Variants in TUB observed in about 807,000 individuals in gnomAD.
TUB encodes tubby protein homolog.
Under a neutral mutation model 59.7 loss-of-function variants are expected in TUB, and 33 were observed. The observed-to-expected ratio is 0.55, with a 90% confidence interval of 0.42 to 0.74. TUB has a LOEUF of 0.74. Ranked by LOEUF, TUB falls within the 30% of genes least tolerant of loss-of-function variation. TUB has a pLI of 0.00. For synonymous variants in TUB, 293 were observed against 256.4 expected, an observed-to-expected ratio of 1.14 and a Z score of -1.36; for missense variants, 659 against 672.0, an observed-to-expected ratio of 0.98 and a Z score of 0.21.
chr11:8,098,344 C>G (rs1264911495), intron 8 of TUB, among the ~76,000 whole-genome samples: 3 of 152,076 alleles, frequency 2.0e-5, no homozygotes, highest in Non-Finnish European at 4.4e-5. Context: ...GGAGCTAAAG[C>G]TGGAGATGGG....
At position 8,101,014 on chromosome 11, in the gene TUB, C is replaced by T; in HGVS notation, c.1387+17C>T. The T allele has an allele frequency of 6.2e-7, 1 of 1,613,894 alleles. No homozygotes were observed. The highest frequency in any genetic ancestry group is 8.5e-7 in the Non-Finnish European group (1 of 1,179,884). ...GCAATGACCGTGAGTGTTTCTGTCC[C>T]TACTCATTATGGTCCGTAGGATACC... is the stretch of plus-strand genomic sequence containing the variant. On this transcript the variant is annotated intron_variant, in intron 11 of 11. Transcript: ENST00000299506.
At chr11:8,067,832 G>A (rs1397146881) in intron 2 of TUB, 1 of 152,304 alleles carries the variant, frequency 6.6e-6, no homozygotes, top group East Asian at 1.9e-4. Context: ...CTAAGCTCCA[G>A]ATGCGCTTTT....
intron 2 of TUB, among the ~76,000 whole-genome samples, chr11:8,047,689 G>A (rs149049883): frequency 7.9e-5 from 12 of 152,312 alleles, no homozygotes; most frequent in Non-Finnish European, 1.3e-4. Context: ...ACTTGCCATT[G>A]CTGCATTTAT....
At chr11:8,031,351 C>T (rs529618471) in intron 1 of TUB, among the ~76,000 whole-genome samples, 3 of 152,092 alleles carry the variant, frequency 2.0e-5, no homozygotes, top group Admixed American at 2.0e-4. Flanking sequence ...CACAGGCCTG[C>T]TTTCACAGGC....
At chr11:8,098,058 C>G (rs2133883719) in intron 8 of TUB, among the ~76,000 whole-genome samples, 1 of 152,240 alleles carries the variant, frequency 6.6e-6, no homozygotes, top group East Asian at 1.9e-4. Context: ...GAGGTGGGTG[C>G]AGGCCCACCA....
At chr11:8,050,095 C>A (rs373176756) in intron 2 of TUB, among the ~76,000 whole-genome samples, 19 of 152,262 alleles carry the variant, frequency 1.2e-4, no homozygotes, top group East Asian at 7.7e-4. Context: ...ATTATCTACT[C>A]TTTGAGGCTG....
Position 8,106,211 on chromosome 11 carries a change from A to G in TUB, c.*4592A>G, listed in dbSNP as rs1048096831. On this transcript the variant is annotated 3_prime_UTR_variant, in exon 12 of 12. Transcript: ENST00000299506. ...TTAGTGTTTGTCTAAGTACACACAT[A>G]TATCAACAAATTAAACTTGAATCGT... 3 of 152,152 alleles carry G rather than the reference A, an allele frequency of 2.0e-5. No homozygotes were observed. The highest frequency in any genetic ancestry group is 4.8e-5 in the African/African-American group (2 of 41,468). The allele number at this position is 152,152 out of a possible 1,614,324, so 9.4% of individuals were successfully genotyped here. A position where few individuals can be genotyped will look rare whatever the true frequency, so the allele number is the denominator to read the frequency against.
chr11:8,101,487 G>A lies in TUB; in HGVS notation c.1389G>A (p.Pro463=), dbSNP rs200511292. Residue 463 remains proline (P), a splice_region_variant and synonymous_variant, in exon 12 of 12, where the codon CCG becomes CCA. Transcript: ENST00000299506. ...KNFQIIHGND[P]DYIVMQFGRV... is the part of the protein sequence containing the mutation. ...GTCTGTGCCTGTGCTTGGCCCCAGC[G>A]GACTACATCGTGATGCAGTTTGGCC... 111 of 1,614,110 alleles carry A rather than the reference G, an allele frequency of 6.9e-5. No homozygotes were observed. The highest frequency in any genetic ancestry group is 1.6e-4 in the Middle Eastern group (1 of 6,062).
chr11:8,027,094 T>C, intron 1 of TUB, among the ~76,000 whole-genome samples: 1 of 152,226 alleles, frequency 6.6e-6, no homozygotes, highest in East Asian at 1.9e-4. Context: ...TGTATTGGGA[T>C]TCTTAATTGT....
At chr11:8,040,711 G>A (rs1942736344) in intron 2 of TUB, among the ~76,000 whole-genome samples, 1 of 152,216 alleles carries the variant, frequency 6.6e-6, no homozygotes, top group African/African-American at 2.4e-5. Context: ...GGAAGGAGCA[G>A]TAGGAGGAGG....
At chr11:8,091,735 TCTCACAGAGGCAGCCCCAGCTGCTC>T (rs1943783015) in intron 3 of TUB, among the ~76,000 whole-genome samples, 1 of 152,142 alleles carries the variant, frequency 6.6e-6, no homozygotes, top group Non-Finnish European at 1.5e-5. Flanking sequence ...AGCCCAGCTG[TCTCACAGAGGCAGCCCCAGCTGCTC>T]CTCACAGAGC....
chr11:8,086,356 T>A (rs747950401), intron 1 of TUB, among the ~76,000 whole-genome samples: 2 of 151,650 alleles, frequency 1.3e-5, no homozygotes, highest in Non-Finnish European at 2.9e-5. Flanking sequence ...GGGGTGGAGA[T>A]GAGGAGGAAG....
At chr11:8,099,586 A>G (rs971755571) in intron 9 of TUB, among the ~76,000 whole-genome samples, 5 of 152,218 alleles carry the variant, frequency 3.3e-5, no homozygotes, top group Non-Finnish European at 7.3e-5. Context: ...GGATATAGTA[A>G]TGAACAGACA....
chr11:8,061,887 A>G (rs956977466), intron 2 of TUB, among the ~76,000 whole-genome samples: 3 of 152,118 alleles, frequency 2.0e-5, no homozygotes, highest in African/African-American at 7.2e-5. Context: ...TCACCTACTC[A>G]ACATCCCAGA....
intron 1 of TUB, among the ~76,000 whole-genome samples, chr11:8,085,704 G>A (rs1027083577): frequency 5.3e-5 from 8 of 152,224 alleles, no homozygotes; most frequent in African/African-American, 1.4e-4. Flanking sequence ...TGGCCAGAGG[G>A]TTGGGTCTGT....
chr11:8,030,338 C>G (rs745450097), intron 1 of TUB, among the ~76,000 whole-genome samples: 7 of 152,206 alleles, frequency 4.6e-5, no homozygotes, highest in Non-Finnish European at 1.0e-4. Flanking sequence ...TCTGTTGATA[C>G]TTACTGCCTT....
At chr11:8,025,425 GT>G (rs1209442701) in intron 1 of TUB, among the ~76,000 whole-genome samples, 1 of 152,186 alleles carries the variant, frequency 6.6e-6, no homozygotes, top group Non-Finnish European at 1.5e-5. Context: ...TGCCTAGTGT[GT>G]TTGGGAACAG....
At chr11:8,031,518 G>A (rs965268436) in intron 1 of TUB, among the ~76,000 whole-genome samples, 1 of 152,196 alleles carries the variant, frequency 6.6e-6, no homozygotes, top group African/African-American at 2.4e-5. Flanking sequence ...TGGGGTAGAG[G>A]ACCCTTCCCT....
chr11:8,053,650 G>A (rs962046711), intron 2 of TUB, among the ~76,000 whole-genome samples: 1 of 151,270 alleles, frequency 6.6e-6, no homozygotes, highest in South Asian at 2.1e-4. Flanking sequence ...ACCGGCGCCC[G>A]CCACGACGCC....
Sources: gnomAD v4.1 joint callset for allele counts (sites outside exome capture counted in the v4.1 genomes callset) on GRCh38, gnomAD v4.1.1 for gene constraint, MANE v1.5 for transcripts, NCBI Gene and HGNC (gene_info 2026-07-23, HGNC 2026-07-21) for gene names.